The following IL10RB variants were observed in gnomAD, a reference collection of about 807,000 sequenced individuals.
IL10RB encodes the protein interleukin 10 receptor subunit beta, also known as interleukin-10 receptor subunit beta.
Under a neutral mutation model 38.7 loss-of-function variants are expected in IL10RB, and 30 were observed. That is an observed-to-expected ratio of 0.78 (90% CI 0.58 to 1.05). IL10RB has a LOEUF of 1.05. Among genes scored for constraint, IL10RB ranks in the 50% least tolerant of loss-of-function variants. The pLI is 0.00. For synonymous variants in IL10RB, 142 were observed against 145.9 expected, an observed-to-expected ratio of 0.97 and a Z score of 0.19; for missense variants, 328 against 397.1, an observed-to-expected ratio of 0.83 and a Z score of 1.48.
downstream of IL10RB, among the ~76,000 whole-genome samples, chr21:33,298,538 C>T (rs937738367): frequency 1.3e-5 from 2 of 152,134 alleles, no homozygotes; most frequent in Non-Finnish European, 2.9e-5. Context: ...CACTTGAACC[C>T]AGGAGGTGGA....
intron 6 of IL10RB, chr21:33,294,171 A>C: frequency 2.4e-6 from 1 of 416,316 alleles, no homozygotes; most frequent in Non-Finnish European, 4.8e-6. Flanking sequence ...GGTGCTGGAG[A>C]AGGGCCAGGC....
intron 6 of IL10RB, among the ~76,000 whole-genome samples, chr21:33,289,283 A>T (rs1989437832): frequency 6.6e-6 from 1 of 152,182 alleles, no homozygotes; most frequent in South Asian, 2.1e-4. Context: ...CCCTGGGACC[A>T]CTTGGATCTA....
chr21:33,293,424 C>A (rs1185692508), intron 6 of IL10RB, among the ~76,000 whole-genome samples: 1 of 152,190 alleles, frequency 6.6e-6, no homozygotes, highest in African/African-American at 2.4e-5. Flanking sequence ...ACAAGCGCCT[C>A]CTCCACAAAA....
intron 6 of IL10RB, 103 bp downstream of exon 6, chr21:33,288,364 A>AAC: frequency 1.1e-6 from 1 of 925,862 alleles, no homozygotes; most frequent in Non-Finnish European, 1.7e-6. Context: ...TTTCCAGGAA[A>AAC]ACACACACGC....
chr21:33,270,724 G>T (rs1400955002), intron 2 of IL10RB, among the ~76,000 whole-genome samples: 2 of 149,088 alleles, frequency 1.3e-5, no homozygotes, highest in African/African-American at 2.5e-5. Flanking sequence ...ACCAAGGCTG[G>T]AGTGCAGTGG....
intron 1 of IL10RB, among the ~76,000 whole-genome samples, chr21:33,304,822 A>G (rs1191489246): frequency 6.6e-6 from 1 of 152,246 alleles, no homozygotes; most frequent in Non-Finnish European, 1.5e-5. Context: ...AGCAGTTACA[A>G]AATGGCTTTT....
At chr21:33,301,257 T>C (rs1410387186), downstream of IL10RB, among the ~76,000 whole-genome samples, 1 of 152,188 alleles carries the variant, frequency 6.6e-6, no homozygotes, top group Non-Finnish European at 1.5e-5. Context: ...ATGATTTTTC[T>C]CCCTGAGTCA....
intron 6 of IL10RB, 35 bp downstream of exon 6, chr21:33,288,296 C>T: frequency 1.3e-6 from 2 of 1,599,474 alleles, no homozygotes; most frequent in Non-Finnish European, 1.7e-6. Context: ...GATTTGAAAA[C>T]CTTGATCGGA....
chr21:33,298,209 C>A (rs1003025485), downstream of IL10RB, among the ~76,000 whole-genome samples: 1 of 152,216 alleles, frequency 6.6e-6, no homozygotes, highest in Non-Finnish European at 1.5e-5. Context: ...TCAAGACTCG[C>A]ATTTTACCTA....
At chr21:33,306,070 G>A (rs1048718029) in intron 1 of IL10RB, among the ~76,000 whole-genome samples, 1 of 152,056 alleles carries the variant, frequency 6.6e-6, no homozygotes, top group Admixed American at 6.6e-5. Context: ...GACCTCAAGT[G>A]ATCTGCCCAC....
At chr21:33,283,737 C>T (rs45597937) in intron 5 of IL10RB, among the ~76,000 whole-genome samples, 12 of 152,292 alleles carry the variant, frequency 7.9e-5, no homozygotes, top group Admixed American at 3.3e-4. Flanking sequence ...TCCAGGATGT[C>T]AACACAGTCC....
At chr21:33,287,726 C>T (rs934167861) in intron 5 of IL10RB, among the ~76,000 whole-genome samples, 4 of 152,038 alleles carry the variant, frequency 2.6e-5, no homozygotes, top group African/African-American at 4.8e-5. Context: ...CAATATAGAA[C>T]GAGATGGTGC....
At chr21:33,268,868 A>G (rs1568902423) in intron 2 of IL10RB, among the ~76,000 whole-genome samples, 1 of 152,122 alleles carries the variant, frequency 6.6e-6, no homozygotes, top group Admixed American at 6.6e-5. Context: ...AAAGAAAAAT[A>G]CCACTGCTGT....
At chr21:33,273,987 T>G (rs566335955) in intron 2 of IL10RB, among the ~76,000 whole-genome samples, 1 of 152,132 alleles carries the variant, frequency 6.6e-6, no homozygotes, top group Non-Finnish European at 1.5e-5. Flanking sequence ...TCTATGAGGG[T>G]TGGAATCAGC....
chr21:33,288,094 C>A lies in IL10RB; in HGVS notation c.647-10C>A, dbSNP rs755750747. ...TGACAAGAATGTAACATGCCCATTA[C>A]CCCTGGCAGAAACGGTCCCCTCCTG... On this transcript the variant is annotated splice_polypyrimidine_tract_variant and intron_variant, in intron 5 of 6. Transcript: ENST00000290200. 1 of 1,613,768 alleles carries A rather than the reference C, an allele frequency of 6.2e-7. No homozygotes were observed.
At chr21:33,303,044 C>T (rs556190715) in intron 1 of IL10RB, among the ~76,000 whole-genome samples, 16 of 152,312 alleles carry the variant, frequency 1.1e-4, no homozygotes, top group African/African-American at 2.2e-4. Context: ...CAGCCTTGCA[C>T]GTGTGCCCAA....
chr21:33,302,347 T>TG (rs1255101559), intron 1 of IL10RB, among the ~76,000 whole-genome samples: 5 of 152,252 alleles, frequency 3.3e-5, no homozygotes, highest in African/African-American at 1.2e-4. Flanking sequence ...AAATGGAAGC[T>TG]GGGGGTTCCC....
intron 2 of IL10RB, 93 bp from the exon 3 acceptor site, chr21:33,276,503 C>G (rs2849997): frequency 1.2e-5 from 12 of 965,644 alleles, no homozygotes; most frequent in Admixed American, 3.4e-5. Context: ...TTTCCACTCC[C>G]GCGCCGCCCC....
Position 33,283,082 on chromosome 21 carries a change from C to T in IL10RB, c.499-12C>T, listed in dbSNP as rs1342142189. The T allele has an allele frequency of 6.2e-7, 1 of 1,606,922 alleles. No individual in the cohort carries two copies. The highest frequency in any genetic ancestry group is 1.3e-5 in the African/African-American group (1 of 74,688). On this transcript the variant is annotated splice_polypyrimidine_tract_variant and intron_variant, in intron 4 of 6. Transcript: ENST00000290200. ...TGCTTAGTCATGTTCTTATTTTTGTCTCCATTACTAGTTTCAAATTACTCC... is the reference window on the plus strand; with the variant it reads ...TGCTTAGTCATGTTCTTATTTTTGTTTCCATTACTAGTTTCAAATTACTCC...
Sources: allele counts gnomAD v4.1 joint callset (sites outside exome capture counted in the v4.1 genomes callset), GRCh38; gene constraint gnomAD v4.1.1; transcripts MANE v1.5; gene names NCBI Gene and HGNC (gene_info 2026-07-23, HGNC 2026-07-21).